LINGO2: variants seen among roughly 807,000 people sequenced by gnomAD.
LINGO2 encodes the protein leucine-rich repeat and immunoglobulin-like domain-containing nogo receptor-interacting protein 2.
In LINGO2, 14 loss-of-function variants were observed where a neutral mutation model predicts 30.6. The observed-to-expected ratio is 0.46, with a 90% CI of 0.30 to 0.72. LINGO2 has a LOEUF of 0.72. LINGO2 is among the 30% of genes least tolerant of loss of function. The pLI is 0.07. For synonymous variants in LINGO2, 317 were observed against 288.5 expected, an observed-to-expected ratio of 1.10 and a Z score of -1.00; for missense variants, 729 against 751.7, an observed-to-expected ratio of 0.97 and a Z score of 0.35.
chr9:29,086,540 G>A, the LINGO2 span, among the ~76,000 whole-genome samples: 35,967 of 151,784 alleles, frequency 0.24, 4,398 homozygotes, highest in East Asian at 0.41. Flanking sequence ...AAAAAATTGG[G>A]CAAGTTCCTT....
chr9:28,909,905 A>G, the LINGO2 span, among the ~76,000 whole-genome samples: 2 of 152,068 alleles, frequency 1.3e-5, no homozygotes, highest in African/African-American at 4.8e-5. Flanking sequence ...TTATTCCCTG[A>G]AAGCAGTAAT....
At chr9:28,553,079 A>T (rs1388882003) in intron 1 of LINGO2, among the ~76,000 whole-genome samples, 1 of 152,068 alleles carries the variant, frequency 6.6e-6, no homozygotes, top group South Asian at 2.1e-4. Context: ...TTCTGCTATA[A>T]AAGCAGAGCA....
chr9:28,947,583 T>C, the LINGO2 span, among the ~76,000 whole-genome samples: 3 of 151,964 alleles, frequency 2.0e-5, no homozygotes, highest in Non-Finnish European at 2.9e-5. Context: ...AAATAATCAC[T>C]GCAAAATAAT....
chr9:29,142,612 A>G, the LINGO2 span, among the ~76,000 whole-genome samples: 1 of 151,934 alleles, frequency 6.6e-6, no homozygotes, highest in East Asian at 1.9e-4. Context: ...AAAGACACTA[A>G]TATCAACAAC....
chr9:28,174,269 T>C (rs1199028478), intron 4 of LINGO2, among the ~76,000 whole-genome samples: 3 of 152,212 alleles, frequency 2.0e-5, no homozygotes, highest in Non-Finnish European at 2.9e-5. Flanking sequence ...AAAGGTTTAA[T>C]AAAATAAATG....
At chr9:28,020,477 C>T (rs768882261) in intron 4 of LINGO2, among the ~76,000 whole-genome samples, 1 of 151,988 alleles carries the variant, frequency 6.6e-6, no homozygotes, top group Non-Finnish European at 1.5e-5. Flanking sequence ...TGCTGTGAGC[C>T]GAGATCGCAC....
the LINGO2 span, among the ~76,000 whole-genome samples, chr9:28,985,533 T>C: frequency 6.6e-6 from 1 of 152,248 alleles, no homozygotes; most frequent in East Asian, 1.9e-4. Flanking sequence ...TGTGTTATCC[T>C]TCATCTTTTT....
intron 4 of LINGO2, among the ~76,000 whole-genome samples, chr9:28,052,223 C>T (rs967588317): frequency 1.3e-5 from 2 of 152,072 alleles, no homozygotes; most frequent in African/African-American, 4.8e-5. Context: ...GCAACTTGAT[C>T]TTTGACAAAG....
the LINGO2 span, among the ~76,000 whole-genome samples, chr9:28,850,373 G>A: frequency 4.9e-3 from 743 of 152,012 alleles, 6 homozygotes; most frequent in African/African-American, 0.017. Flanking sequence ...TCCTGGTTCC[G>A]TCTAGGGGCT....
chr9:28,437,114 T>C (rs1358040860), intron 2 of LINGO2, among the ~76,000 whole-genome samples: 5 of 152,072 alleles, frequency 3.3e-5, no homozygotes, highest in East Asian at 3.9e-4. Context: ...TCAAAGGAGG[T>C]TGGCTTATGA....
chr9:28,374,233 T>C (rs1821032780), intron 2 of LINGO2, among the ~76,000 whole-genome samples: 1 of 149,246 alleles, frequency 6.7e-6, no homozygotes. Flanking sequence ...TATATATATG[T>C]AATATCCAAT....
chr9:28,013,648 G>A (rs1216402783), intron 4 of LINGO2, among the ~76,000 whole-genome samples: 1 of 152,156 alleles, frequency 6.6e-6, no homozygotes, highest in Non-Finnish European at 1.5e-5. Flanking sequence ...TGTCTACAAT[G>A]GCTCTTCATT....
the LINGO2 span, among the ~76,000 whole-genome samples, chr9:29,156,175 T>C: frequency 6.6e-6 from 1 of 152,130 alleles, no homozygotes; most frequent in Non-Finnish European, 1.5e-5. Flanking sequence ...CATCTGTGTA[T>C]ACTCTTCACT....
chr9:29,142,769 C>G, the LINGO2 span, among the ~76,000 whole-genome samples: 13 of 151,882 alleles, frequency 8.6e-5, no homozygotes, highest in African/African-American at 3.1e-4. Context: ...TTTTATTCAG[C>G]ATAGTACTGA....
At chr9:28,345,841 T>C (rs973768116) in intron 3 of LINGO2, among the ~76,000 whole-genome samples, 1 of 152,290 alleles carries the variant, frequency 6.6e-6, no homozygotes, top group African/African-American at 2.4e-5. Context: ...GAAGGATTAG[T>C]TAAAATAAAT....
At chr9:29,165,491 A>G in the LINGO2 span, among the ~76,000 whole-genome samples, 4 of 152,100 alleles carry the variant, frequency 2.6e-5, no homozygotes, top group Non-Finnish European at 5.9e-5. Context: ...TGATCCAGCC[A>G]TAACCTTAAA....
At chr9:29,178,998 G>C in the LINGO2 span, among the ~76,000 whole-genome samples, 5 of 151,090 alleles carry the variant, frequency 3.3e-5, no homozygotes, top group Non-Finnish European at 4.4e-5. Flanking sequence ...ATTACCCAGA[G>C]GAAGGCTTCT....
intron 4 of LINGO2, among the ~76,000 whole-genome samples, chr9:28,198,733 G>T (rs1820108567): frequency 6.6e-6 from 1 of 152,078 alleles, no homozygotes; most frequent in Admixed American, 6.5e-5. Context: ...GCAGACAGCA[G>T]CTAAGAAAAA....
chr9:29,023,076 G>T, the LINGO2 span, among the ~76,000 whole-genome samples: 1 of 151,826 alleles, frequency 6.6e-6, no homozygotes, highest in Non-Finnish European at 1.5e-5. Context: ...TATACTTGTT[G>T]GCTCACTAAG....
Sources: gnomAD v4.1 joint callset for allele counts (sites outside exome capture counted in the v4.1 genomes callset) on GRCh38, gnomAD v4.1.1 for gene constraint, MANE v1.5 for transcripts, NCBI Gene and HGNC (gene_info 2026-07-23, HGNC 2026-07-21) for gene names.